The following PIK3CA variants were observed in gnomAD, a reference collection of about 807,000 sequenced individuals.
PIK3CA encodes phosphatidylinositol-4,5-bisphosphate 3-kinase catalytic subunit alpha.
Under a neutral mutation model 138.2 loss-of-function variants are expected in PIK3CA, and 27 were observed. The ratio of observed to expected loss-of-function variants is 0.20; its 90% CI spans 0.14 to 0.27. PIK3CA has a LOEUF of 0.27. PIK3CA is among the 10% of genes least tolerant of loss of function. The pLI, the probability that PIK3CA is intolerant of heterozygous loss-of-function variation, is 1.00. For missense variants in PIK3CA, 544 were observed against 1,277.4 expected, an observed-to-expected ratio of 0.43 and a Z score of 8.75; for synonymous variants, 358 against 413.2, an observed-to-expected ratio of 0.87 and a Z score of 1.62.
intron 6 of PIK3CA, among the ~76,000 whole-genome samples, chr3:179,207,898 G>A (rs950255598): frequency 6.6e-6 from 1 of 151,760 alleles, no homozygotes; most frequent in African/African-American, 2.4e-5. Context: ...TGTGTTACTG[G>A]GCATGGTAGT....
chr3:179,207,628 C>A (rs1412856825), intron 6 of PIK3CA, among the ~76,000 whole-genome samples: 1 of 151,436 alleles, frequency 6.6e-6, no homozygotes. Context: ...TCACTGCAAC[C>A]TCTGCCTCAG....
rs1025170866 is a variant in PIK3CA, at chr3:179,221,616, G to C, written c.2187+459G>C. Among the ~76,000 whole-genome samples, 6 of 150,734 alleles carry C rather than the reference G, an allele frequency of 4.0e-5. No homozygotes were observed. The South Asian group carries it at 1.0e-3, about 26-fold the overall frequency. ...CATTTCCAAGTTTAAAATGGATTTC[G>C]AGTCACTCAGTAAATATATCACACT... On this transcript the variant is annotated intron_variant, in intron 14 of 20. Coordinates refer to ENST00000263967, the MANE Select transcript of PIK3CA (RefSeq NM_006218.4).
Position 179,156,443 on chromosome 3 carries a change from G to A in PIK3CA, c.-77+7840G>A, listed in dbSNP as rs145163797. ...ATCCTTACTTGTTAAAGACTTCTAGGAAAGTATATTCCATATTTCCCTTGG... is the reference window on the plus strand; with the variant it reads ...ATCCTTACTTGTTAAAGACTTCTAGAAAAGTATATTCCATATTTCCCTTGG... On this transcript the variant is annotated intron_variant, in intron 1 of 20. Transcript: ENST00000263967. Among the ~76,000 whole-genome samples, 370 of 152,208 alleles carry A rather than the reference G, an allele frequency of 2.4e-3. 2 individuals are homozygous for A. Among genetic ancestry groups the A allele is most frequent in the Non-Finnish European group, 3.9e-3 (268 of 68,006 alleles).
At chr3:179,149,982 CGT>C (rs941951330) in intron 1 of PIK3CA, among the ~76,000 whole-genome samples, 1 of 151,228 alleles carries the variant, frequency 6.6e-6, no homozygotes, top group Non-Finnish European at 1.5e-5. Context: ...AACAATTTAA[CGT>C]GTCTTTGTAT....
chr3:179,212,888 G>A (rs1724751329), intron 9 of PIK3CA, among the ~76,000 whole-genome samples: 1 of 152,100 alleles, frequency 6.6e-6, no homozygotes. Context: ...TACCAAGTAA[G>A]TGTTAATCAA....
intron 14 of PIK3CA, 85 bp from the exon 15 acceptor site, chr3:179,223,995 GT>G: frequency 1.4e-6 from 1 of 739,578 alleles, no homozygotes. Context: ...CAGTACTGAG[GT>G]TCTCATGTGA....
intron 6 of PIK3CA, 79 bp from the exon 7 acceptor site, chr3:179,209,516 C>A: frequency 1.3e-6 from 1 of 746,774 alleles, no homozygotes; most frequent in Non-Finnish European, 2.1e-6. Context: ...TCTTTGTCTT[C>A]GTGATTTGTA....
intron 1 of PIK3CA, among the ~76,000 whole-genome samples, chr3:179,171,031 G>A (rs193165424): frequency 6.6e-6 from 1 of 152,230 alleles, no homozygotes; most frequent in Non-Finnish European, 1.5e-5. Context: ...AGGGTGAATA[G>A]TATACTGGCC....
intron 1 of PIK3CA, among the ~76,000 whole-genome samples, chr3:179,175,991 G>A (rs1377100985): frequency 1.3e-5 from 2 of 152,044 alleles, no homozygotes; most frequent in Non-Finnish European, 2.9e-5. Flanking sequence ...TATGCTGTAG[G>A]AAATCTTCAT....
At chr3:179,174,827 C>G (rs1723655486) in intron 1 of PIK3CA, among the ~76,000 whole-genome samples, 1 of 152,074 alleles carries the variant, frequency 6.6e-6, no homozygotes, top group Admixed American at 6.6e-5. Flanking sequence ...TCTGTTACAA[C>G]TTTCTTGTTG....
In PIK3CA at chr3:179,218,323, A is replaced by G. The variant is rs201983420; in HGVS notation, c.1653A>G (p.Leu551=). Residue 551 remains leucine, a synonymous_variant, in exon 10 of 21, where the codon CTA becomes CTG. Coordinates refer to ENST00000263967, the MANE Select transcript of PIK3CA (RefSeq NM_006218.4). ...TCACTGAGCAGGAGAAAGATTTTCT[A>G]TGGAGTCACAGGTAAGTGCTAAAAT... ...SEITEQEKDF[L]WSHRHYCVTI... is the part of the protein sequence containing the mutation. The G allele has an allele frequency of 1.1e-5, 17 of 1,609,456 alleles. No homozygotes were observed. Among genetic ancestry groups the G allele is most frequent in the South Asian group, 6.6e-5 (6 of 90,300 alleles).
At chr3:179,185,765 G>A (rs1036422458) in intron 1 of PIK3CA, among the ~76,000 whole-genome samples, 7 of 152,210 alleles carry the variant, frequency 4.6e-5, no homozygotes, top group Non-Finnish European at 2.9e-5. Context: ...TACTACAAAG[G>A]ATATAGATGA....
At chr3:179,199,495 T>G (rs1724353690) in intron 2 of PIK3CA, among the ~76,000 whole-genome samples, 195 bp from the exon 3 acceptor site, 1 of 152,026 alleles carries the variant, frequency 6.6e-6, no homozygotes, top group Admixed American at 6.5e-5. Flanking sequence ...ATATATTATT[T>G]TTTATATATT....
At chr3:179,225,375 A>G (rs763707442) in intron 16 of PIK3CA, among the ~76,000 whole-genome samples, 10 of 152,182 alleles carry the variant, frequency 6.6e-5, no homozygotes, top group Non-Finnish European at 1.5e-4. Context: ...GAAGGTACTT[A>G]TATGGAGGAA....
intron 1 of PIK3CA, among the ~76,000 whole-genome samples, chr3:179,187,813 A>G (rs981909451): frequency 1.3e-5 from 2 of 150,948 alleles, no homozygotes; most frequent in Admixed American, 6.6e-5. Flanking sequence ...AATTTTTTGT[A>G]TTTTTAGTAG....
At chr3:179,182,860 AC>A (rs1219125781) in intron 1 of PIK3CA, among the ~76,000 whole-genome samples, 6 of 152,120 alleles carry the variant, frequency 3.9e-5, no homozygotes, top group Non-Finnish European at 8.8e-5. Flanking sequence ...GAAAATAAAG[AC>A]CACTTACTAA....
rs1292797013 is a variant in PIK3CA, at chr3:179,235,267, A to C, written c.*903A>C. The C allele has an allele frequency of 5.5e-6, 1 of 180,994 alleles. No individual in the cohort carries two copies. The allele number at this position is 180,994 out of a possible 1,614,324, so 11.2% of individuals were successfully genotyped here. On this transcript the variant is annotated 3_prime_UTR_variant, in exon 21 of 21. Transcript: ENST00000263967. ...TCATGCATGTTTTCCAGAAAATAGA[A>C]GTATTAATGTTATTAAAAAGATTAT...
At chr3:179,195,464 A>G (rs963938709) in intron 1 of PIK3CA, among the ~76,000 whole-genome samples, 2 of 152,150 alleles carry the variant, frequency 1.3e-5, no homozygotes, top group East Asian at 1.9e-4. Context: ...ACAACAGTCC[A>G]GTGAAGTAGA....
At chr3:179,175,724 T>C (rs1723680577) in intron 1 of PIK3CA, among the ~76,000 whole-genome samples, 1 of 143,390 alleles carries the variant, frequency 7.0e-6, no homozygotes, top group Admixed American at 6.9e-5. Flanking sequence ...TTTTTTTTTT[T>C]CAGTTCTTAT....
Sources: allele counts gnomAD v4.1 joint callset (sites outside exome capture counted in the v4.1 genomes callset), GRCh38; gene constraint gnomAD v4.1.1; transcripts MANE v1.5; gene names NCBI Gene and HGNC (gene_info 2026-07-23, HGNC 2026-07-21).